The following RNF13 variants were observed in gnomAD, a reference collection of about 807,000 sequenced individuals.
RNF13 encodes the protein ring finger protein 13.
RNF13 carries 19 observed loss-of-function variants against 37.7 expected under a neutral mutation model. The ratio of observed to expected loss-of-function variants is 0.50; its 90% CI spans 0.35 to 0.74. The LOEUF (loss-of-function observed/expected upper bound fraction) is 0.74, where lower values mean the gene tolerates loss of function less well. RNF13 is among the 30% of genes least tolerant of loss of function. The pLI, the probability that RNF13 is intolerant of heterozygous loss-of-function variation, is 0.01. For missense variants in RNF13, 375 were observed against 453.0 expected, an observed-to-expected ratio of 0.83 and a Z score of 1.56; for synonymous variants, 144 against 157.8, an observed-to-expected ratio of 0.91 and a Z score of 0.65.
chr3:149,876,921 G>A (rs941946567), intron 4 of RNF13, among the ~76,000 whole-genome samples: 4 of 151,738 alleles, frequency 2.6e-5, no homozygotes, highest in Admixed American at 2.6e-4. Context: ...TGGGATTACA[G>A]GTGCGTGCCA....
At chr3:149,872,539 A>G (rs1021792522) in intron 4 of RNF13, among the ~76,000 whole-genome samples, 3 of 152,164 alleles carry the variant, frequency 2.0e-5, no homozygotes, top group African/African-American at 4.8e-5. Flanking sequence ...TCTCTCTGAC[A>G]TGGGTTAAGC....
At chr3:149,848,067 G>T (rs1244006363) in intron 2 of RNF13, among the ~76,000 whole-genome samples, 1 of 152,082 alleles carries the variant, frequency 6.6e-6, no homozygotes, top group Non-Finnish European at 1.5e-5. Flanking sequence ...AAACTGCTTA[G>T]AATAGTATCT....
intron 6 of RNF13, among the ~76,000 whole-genome samples, chr3:149,910,116 C>T (rs1323198597): frequency 2.6e-5 from 4 of 151,928 alleles, no homozygotes; most frequent in East Asian, 1.9e-4. Context: ...AGAGGATTAG[C>T]GTCTCATGGA....
At chr3:149,907,722 A>C (rs1716568899) in intron 6 of RNF13, among the ~76,000 whole-genome samples, 1 of 152,258 alleles carries the variant, frequency 6.6e-6, no homozygotes, top group South Asian at 2.1e-4. Flanking sequence ...CACATTAATA[A>C]AATTCTTAGA....
chr3:149,860,269 AAATATATAT>A lies in RNF13; in HGVS notation c.195+7675_195+7683del, dbSNP rs1240075961. 7.0e-5 allele frequency among the ~76,000 whole-genome samples: 7 copies of A among 100,328 alleles called. No homozygotes were observed. In the East Asian group the frequency reaches 8.6e-4, roughly 12 times the overall value. 65.8% of individuals were successfully genotyped at this position (100,328 alleles called of 152,430 possible). A position where few individuals can be genotyped will look rare whatever the true frequency, so the allele number is the denominator to read the frequency against. On this transcript the variant is annotated intron_variant, in intron 3 of 9. Transcript: ENST00000392894. ...AGAGACTCCATCTAAAAAAAAAAAA[AAATATATAT>A]ATATATATATATATATATATATAAC... is the stretch of plus-strand genomic sequence containing the variant.
At position 149,869,386 on chromosome 3, in the gene RNF13, A is replaced by G. The variant is rs761479814; in HGVS notation, c.196-2643A>G. Among the ~76,000 whole-genome samples the G allele has an allele frequency of 5.3e-4, 80 of 151,620 alleles. 1 individual carries two copies. Among genetic ancestry groups the G allele is most frequent in the Non-Finnish European group, 1.1e-3 (72 of 67,786 alleles). ...TTTGGGAGGCTGAGGCGGGCGGATCACAAGGTCAGGAGATCGAGACCATCC... is the reference window on the plus strand; with the variant it reads ...TTTGGGAGGCTGAGGCGGGCGGATCGCAAGGTCAGGAGATCGAGACCATCC... On this transcript the variant is annotated intron_variant, in intron 3 of 9. Transcript: ENST00000392894.
At chr3:149,924,384 G>A (rs1004981105) in intron 8 of RNF13, among the ~76,000 whole-genome samples, 5 of 152,170 alleles carry the variant, frequency 3.3e-5, no homozygotes, top group Non-Finnish European at 7.3e-5. Context: ...CCAAGAGAGT[G>A]CGTACAGAGA....
intron 4 of RNF13, among the ~76,000 whole-genome samples, chr3:149,891,942 T>A (rs534461900): frequency 6.6e-6 from 1 of 152,370 alleles, no homozygotes; most frequent in South Asian, 2.1e-4. Flanking sequence ...AGTTTTATAG[T>A]TCATAAACAT....
intron 3 of RNF13, among the ~76,000 whole-genome samples, chr3:149,858,007 A>C (rs1239113909): frequency 6.6e-6 from 1 of 152,146 alleles, no homozygotes; most frequent in East Asian, 1.9e-4. Context: ...GCTAGATGGA[A>C]TTAGTTCCAA....
In RNF13 at chr3:149,944,831, A is replaced by G. The variant is rs1379932447; in HGVS notation, c.701-15225A>G. ...TTGTTTAGTTAGATCCCATTTGTCA[A>G]TTTTGGCTTTTGTTGCCATTGCTTT... On this transcript the variant is annotated intron_variant, in intron 8 of 9. Coordinates refer to ENST00000392894, the MANE Select transcript of RNF13 (RefSeq NM_183381.3). Among the ~76,000 whole-genome samples, 11 of 152,210 alleles carry G rather than the reference A, an allele frequency of 7.2e-5. No individual in the cohort carries two copies. The East Asian group carries it at 1.9e-3, about 27-fold the overall frequency.
chr3:149,958,045 A>C (rs1259930918), intron 8 of RNF13, among the ~76,000 whole-genome samples: 1 of 152,238 alleles, frequency 6.6e-6, no homozygotes, highest in Admixed American at 6.5e-5. Context: ...TATTAATATA[A>C]ATCTACTACT....
chr3:149,958,812 C>T (rs925291249), intron 8 of RNF13, among the ~76,000 whole-genome samples: 2 of 152,174 alleles, frequency 1.3e-5, no homozygotes, highest in Non-Finnish European at 2.9e-5. Context: ...ACACAAGATT[C>T]TAACACATGT....
chr3:149,867,828 G>A lies in RNF13; in HGVS notation c.196-4201G>A, dbSNP rs565903495. On this transcript the variant is annotated intron_variant, in intron 3 of 9. Coordinates refer to ENST00000392894, the MANE Select transcript of RNF13 (RefSeq NM_183381.3). ...GACTTTTACTGCCATTTTGTTGATT[G>A]TTTTTTGTATTGTAATTTTTCTCTT... Among the ~76,000 whole-genome samples, 196 of 151,810 alleles carry A rather than the reference G, an allele frequency of 1.3e-3. 2 individuals carry two copies. Among genetic ancestry groups the A allele is most frequent in the Non-Finnish European group, 2.3e-3 (159 of 67,806 alleles).
At chr3:149,897,923 A>G (rs1206240996) in intron 5 of RNF13, among the ~76,000 whole-genome samples, 1 of 152,198 alleles carries the variant, frequency 6.6e-6, no homozygotes, top group African/African-American at 2.4e-5. Context: ...GAATGGATTA[A>G]TTCAGTGAGC....
intron 8 of RNF13, among the ~76,000 whole-genome samples, chr3:149,959,226 T>C (rs529137768): frequency 6.2e-4 from 95 of 152,328 alleles, no homozygotes; most frequent in Admixed American, 1.2e-3. Flanking sequence ...AAAGCTGCTG[T>C]ATTTAAAAAA....
chr3:149,819,653 G>A (rs1190959674), intron 1 of RNF13, among the ~76,000 whole-genome samples: 1 of 152,176 alleles, frequency 6.6e-6, no homozygotes, highest in East Asian at 1.9e-4. Flanking sequence ...CATGGTTACA[G>A]AGAAAAAGAC....
rs757510914 is a variant in RNF13 at position 149,921,193 on chromosome 3, A to G, written c.666A>G (p.Gln222=). The change falls in exon 8 of 10, where the codon CAA becomes CAG. Residue 222 remains glutamine (Q), a synonymous_variant. Transcript: ENST00000392894. ...RARRNRLRKD[Q]LKKLPVHKFK... is the part of the protein sequence containing the mutation. The stretch of plus-strand genomic sequence containing the variant: ...GAAGAAACAGACTTCGTAAAGATCA[A>G]CTTAAGAAACTTCCTGTACATAAAT... 7.7e-6 allele frequency: 11 copies of G among 1,424,110 alleles called. No homozygotes were observed. The highest frequency in any genetic ancestry group is 4.4e-5 in the African/African-American group (3 of 68,880). 88.2% of individuals were successfully genotyped at this position (1,424,110 alleles called of 1,614,324 possible).
At position 149,930,765 on chromosome 3, in the gene RNF13, C is replaced by T. The variant is rs1047637326; in HGVS notation, c.700+9538C>T. ...TAGACCTAGGCCTATTCAGATTGTA[C>T]GTTTCTTTTTGTGTGGCTTTCGGCA... On this transcript the variant is annotated intron_variant, in intron 8 of 9. Coordinates refer to ENST00000392894, the MANE Select transcript of RNF13 (RefSeq NM_183381.3). Among the ~76,000 whole-genome samples, 11 of 152,040 alleles carry T rather than the reference C, an allele frequency of 7.2e-5. No individual in the cohort carries two copies. The South Asian group carries it at 1.0e-3, about 14-fold the overall frequency.
intron 1 of RNF13, among the ~76,000 whole-genome samples, chr3:149,840,114 G>A (rs373282816): frequency 2.0e-5 from 3 of 152,296 alleles, no homozygotes; most frequent in East Asian, 1.9e-4. Context: ...CATCTTAAGT[G>A]TTATAATACA....
Sources: allele counts gnomAD v4.1 joint callset (sites outside exome capture counted in the v4.1 genomes callset), GRCh38; gene constraint gnomAD v4.1.1; transcripts MANE v1.5; gene names NCBI Gene and HGNC (gene_info 2026-07-23, HGNC 2026-07-21).